Variants in ZFAND3 observed in about 807,000 individuals in gnomAD.
ZFAND3 encodes AN1-type zinc finger protein 3.
ZFAND3 carries 10 observed loss-of-function variants against 29.6 expected under a neutral mutation model. That is an observed-to-expected ratio of 0.34 (90% CI 0.21 to 0.57). ZFAND3 has a LOEUF of 0.57. Among genes scored for constraint, ZFAND3 ranks in the 20% least tolerant of loss-of-function variants. ZFAND3 has a pLI of 0.86. For synonymous variants in ZFAND3, 128 were observed against 112.6 expected, an observed-to-expected ratio of 1.14 and a Z score of -0.87; for missense variants, 230 against 304.5, an observed-to-expected ratio of 0.76 and a Z score of 1.82.
chr6:37,846,713 T>G (rs9470719), intron 1 of ZFAND3, among the ~76,000 whole-genome samples: 4,577 of 151,626 alleles, frequency 0.03, 181 homozygotes, highest in African/African-American at 0.087. Flanking sequence ...GATTTTTTTT[T>G]TTTTGTTTTT....
intron 2 of ZFAND3, among the ~76,000 whole-genome samples, chr6:37,964,573 G>A (rs995835242): frequency 6.6e-6 from 1 of 152,166 alleles, no homozygotes; most frequent in African/African-American, 2.4e-5. Context: ...CCCTGCCTTT[G>A]GATCCCAATG....
chr6:38,108,767 A>G (rs182557249), intron 4 of ZFAND3, among the ~76,000 whole-genome samples: 2 of 152,340 alleles, frequency 1.3e-5, no homozygotes, highest in Admixed American at 1.3e-4. Flanking sequence ...ACACCCAGAC[A>G]CATGCAGAAA....
Position 38,010,692 on chromosome 6 carries a change from C to T in ZFAND3, c.113-50901C>T, listed in dbSNP as rs982128837. Among the ~76,000 whole-genome samples, 14 of 151,240 alleles carry T rather than the reference C, an allele frequency of 9.3e-5. 1 individual carries two copies. The highest frequency in any genetic ancestry group is 5.3e-4 in the Admixed American group (8 of 15,164). On this transcript the variant is annotated intron_variant, in intron 2 of 5. Coordinates refer to ENST00000287218, the MANE Select transcript of ZFAND3 (RefSeq NM_021943.3). ...TCAGCTCACTGCAACCTCCGCCTCA[C>T]GGGTTCAAGCAATTCTCTTGCCTCA...
chr6:38,058,300 A>G (rs890594755), intron 2 of ZFAND3, among the ~76,000 whole-genome samples: 12 of 152,208 alleles, frequency 7.9e-5, no homozygotes, highest in Admixed American at 6.5e-5. Flanking sequence ...AACATTTCCA[A>G]TTAAATGGTA....
At chr6:38,042,745 A>G (rs1245063934) in intron 2 of ZFAND3, among the ~76,000 whole-genome samples, 1 of 152,236 alleles carries the variant, frequency 6.6e-6, no homozygotes, top group Non-Finnish European at 1.5e-5. Context: ...AATAGTTCAC[A>G]ACTATCTGAA....
intron 1 of ZFAND3, among the ~76,000 whole-genome samples, chr6:37,835,213 G>T (rs541667159): frequency 3.3e-4 from 51 of 152,242 alleles, no homozygotes; most frequent in African/African-American, 1.2e-3. Context: ...AGGCTGGGGT[G>T]CGGTGACAGA....
At chr6:37,941,730 A>G (rs1054795671) in intron 2 of ZFAND3, among the ~76,000 whole-genome samples, 2 of 152,154 alleles carry the variant, frequency 1.3e-5, no homozygotes, top group Admixed American at 6.5e-5. Context: ...TGAATTTCGT[A>G]TTTAGACTGT....
intron 5 of ZFAND3, among the ~76,000 whole-genome samples, chr6:38,120,757 C>T (rs908899604): frequency 1.3e-5 from 2 of 152,068 alleles, no homozygotes; most frequent in Middle Eastern, 3.2e-3. Context: ...GGATATGCTC[C>T]CTTTGGGAAC....
chr6:38,065,720 C>T (rs1328698067), intron 3 of ZFAND3, among the ~76,000 whole-genome samples: 1 of 152,066 alleles, frequency 6.6e-6, no homozygotes, highest in Admixed American at 6.5e-5. Context: ...GGATCTAGAG[C>T]CTATGCTTTC....
intron 3 of ZFAND3, among the ~76,000 whole-genome samples, chr6:38,064,215 C>T (rs55707043): frequency 0.068 from 10,384 of 152,274 alleles, 427 homozygotes; most frequent in Non-Finnish European, 0.087. Flanking sequence ...GGATTGGATT[C>T]GTGCATACCA....
At chr6:37,895,118 A>G (rs1765175722) in intron 1 of ZFAND3, among the ~76,000 whole-genome samples, 1 of 152,114 alleles carries the variant, frequency 6.6e-6, no homozygotes, top group Non-Finnish European at 1.5e-5. Flanking sequence ...CTACCTCTTC[A>G]TAGACTTCAG....
intron 5 of ZFAND3, among the ~76,000 whole-genome samples, chr6:38,146,387 G>T (rs1766108594): frequency 1.3e-5 from 2 of 152,332 alleles, no homozygotes; most frequent in Admixed American, 6.5e-5. Context: ...AGTCCAGAGG[G>T]CCATGGAAAG....
At chr6:37,896,799 T>C (rs1357248562) in intron 1 of ZFAND3, among the ~76,000 whole-genome samples, 1 of 151,902 alleles carries the variant, frequency 6.6e-6, no homozygotes, top group Non-Finnish European at 1.5e-5. Flanking sequence ...CTGCTGTGTT[T>C]AAGATGGATT....
Position 37,997,581 on chromosome 6 carries a change from A to T in ZFAND3, c.113-64012A>T, listed in dbSNP as rs141703653. 1.5e-3 allele frequency among the ~76,000 whole-genome samples: 226 copies of T among 152,306 alleles called. 1 individual carries two copies. The highest frequency in any genetic ancestry group is 2.6e-3 in the Non-Finnish European group (174 of 68,022). On this transcript the variant is annotated intron_variant, in intron 2 of 5. Transcript: ENST00000287218. ...ACTTGAAGTTAAGACAGCCACTGCA[A>T]GGAGGGAGGGATAGCTGTTGGGGTA...
At chr6:38,103,430 TATATACAC>T (rs1765138397) in intron 4 of ZFAND3, among the ~76,000 whole-genome samples, 1 of 74,034 alleles carries the variant, frequency 1.4e-5, no homozygotes, top group African/African-American at 6.0e-5. Context: ...CACACACATA[TATATACAC>T]GTGTATATAT....
intron 4 of ZFAND3, 132 bp downstream of exon 4, chr6:38,082,589 G>A (rs1244929212): frequency 1.3e-6 from 1 of 776,216 alleles, no homozygotes; most frequent in African/African-American, 1.8e-5. Context: ...TATGTGCTTA[G>A]TATTCACGGC....
intron 1 of ZFAND3, among the ~76,000 whole-genome samples, chr6:37,904,628 A>G (rs902821456): frequency 3.9e-5 from 6 of 152,220 alleles, no homozygotes; most frequent in Non-Finnish European, 7.4e-5. Flanking sequence ...CAAAGCAAGA[A>G]TTATATAATG....
intron 2 of ZFAND3, among the ~76,000 whole-genome samples, chr6:37,965,288 T>G (rs1057000524): frequency 1.7e-4 from 26 of 152,218 alleles, no homozygotes; most frequent in Non-Finnish European, 3.5e-4. Flanking sequence ...CTGGTCTATT[T>G]TTTTAGACCA....
At chr6:38,014,336 T>TATTATTATTATTATTA (rs563013436) in intron 2 of ZFAND3, among the ~76,000 whole-genome samples, 37 of 147,214 alleles carry the variant, frequency 2.5e-4, no homozygotes, top group African/African-American at 8.5e-4. Flanking sequence ...TATTATTTTT[T>TATTATTATTATTATTA]TTTTTTTGAG....
Sources: allele counts gnomAD v4.1 joint callset (sites outside exome capture counted in the v4.1 genomes callset), GRCh38; gene constraint gnomAD v4.1.1; transcripts MANE v1.5; gene names NCBI Gene and HGNC (gene_info 2026-07-23, HGNC 2026-07-21).